The following OPRL1 variants were observed in gnomAD, a reference collection of about 807,000 sequenced individuals.
The protein encoded by OPRL1 is opioid related nociceptin receptor 1, also known as nociceptin receptor.
OPRL1 carries 5 observed loss-of-function variants against 15.5 expected under a neutral mutation model. That is an observed-to-expected ratio of 0.32 (90% confidence interval 0.17 to 0.68). OPRL1 has a LOEUF of 0.68. Among genes scored for constraint, OPRL1 ranks in the 30% least tolerant of loss-of-function variants. The pLI, the probability that OPRL1 is intolerant of heterozygous loss-of-function variation, is 0.72. For synonymous variants in OPRL1, 223 were observed against 230.2 expected, an observed-to-expected ratio of 0.97 and a Z score of 0.28; for missense variants, 406 against 515.3, an observed-to-expected ratio of 0.79 and a Z score of 2.05.
chr20:64,093,003 A>AGTGTGGGGGGGGCAGTGT (rs1978384349), intron 3 of OPRL1, 50 bp downstream of exon 3: 1 of 1,517,022 alleles, frequency 6.6e-7, no homozygotes, highest in African/African-American at 1.4e-5. Flanking sequence ...ACGGCTGCAG[A>AGTGTGGGGGGGGCAGTGT]GGGGGAAACT....
Position 64,083,396 on chromosome 20 carries a change from T to C in OPRL1, c.-185+3044T>C, listed in dbSNP as rs1229261373. The C allele has an allele frequency of 1.2e-6, 2 of 1,611,550 alleles. No homozygotes were observed. Among genetic ancestry groups the C allele is most frequent in the Non-Finnish European group, 8.5e-7 (1 of 1,179,458 alleles). On this transcript the variant is annotated intron_variant, in intron 1 of 4. Transcript: ENST00000336866. This position sits in a 1 kb window ranked among gnomAD's most constrained non-coding sequence, Gnocchi z 4.9. Reference sequence around the variant, plus strand: ...GAGCCTTCGGAGAATTATAACTTTATGTGGGAGGCTGGGGCGCGTCGCACA... The same window carrying C: ...GAGCCTTCGGAGAATTATAACTTTACGTGGGAGGCTGGGGCGCGTCGCACA...
chr20:64,088,525 G>T (rs567073321), intron 1 of OPRL1, among the ~76,000 whole-genome samples: 19 of 150,118 alleles, frequency 1.3e-4, no homozygotes, highest in Admixed American at 7.3e-4. Flanking sequence ...CATCTATGTG[G>T]GGTGGGGGCA....
chr20:64,088,484 C>G (rs1389036266), intron 1 of OPRL1, among the ~76,000 whole-genome samples: 1 of 147,744 alleles, frequency 6.8e-6, no homozygotes, highest in Non-Finnish European at 1.5e-5. Context: ...AGGATCTGTA[C>G]AGAGGGACCA....
At chr20:64,093,106 G>A (rs6010720) in intron 3 of OPRL1, among the ~76,000 whole-genome samples, 153 bp downstream of exon 3, 140,779 of 151,786 alleles carry the variant, frequency 0.93, 65,335 homozygotes, top group East Asian at 1. Flanking sequence ...GGCAGGGTCA[G>A]TCCTGAGGCC....
chr20:64,086,230 T>G lies in OPRL1; in HGVS notation c.-184-5736T>G, dbSNP rs1048621064. 5.9e-5 allele frequency among the ~76,000 whole-genome samples: 9 copies of G among 152,362 alleles called. No individual in the cohort carries two copies. The South Asian group carries it at 1.9e-3, about 32-fold the overall frequency. On this transcript the variant is annotated intron_variant, in intron 1 of 4. Coordinates refer to ENST00000336866, the MANE Select transcript of OPRL1 (RefSeq NM_182647.4). ...TGGGGCACTTTCTGGCTCTTGGCGTTTGTGGGGGAGTCACGCAGGGAGTAG... is the reference window on the plus strand; with the variant it reads ...TGGGGCACTTTCTGGCTCTTGGCGTGTGTGGGGGAGTCACGCAGGGAGTAG...
In OPRL1 at chr20:64,098,316, C is replaced by T; in HGVS notation, c.630C>T (p.Tyr210=). Reference sequence around the variant, plus strand: ...TGGAGATCCCTACCCCTCAGGATTACTGGGGCCCGGTGTTTGCCATCTGCA... The same window carrying T: ...TGGAGATCCCTACCCCTCAGGATTATTGGGGCCCGGTGTTTGCCATCTGCA... The part of the protein sequence containing the change: ...CLVEIPTPQD[Y]WGPVFAICIF... The change falls in exon 5 of 5, where the codon TAC becomes TAT. Residue 210 remains tyrosine (Y), a synonymous_variant. Transcript: ENST00000336866. 6.2e-7 allele frequency: 1 copy of T among 1,613,918 alleles called. No homozygotes were observed. The highest frequency in any genetic ancestry group is 1.1e-5 in the South Asian group (1 of 91,078).
rs1267411097 is a variant in OPRL1, at chr20:64,090,629, C to G, written c.-184-1337C>G. The stretch of plus-strand genomic sequence containing the variant: ...ACAGCCTTGACCTGTGACCTTTCAT[C>G]TCAGTGGATCAGGCATGGGACCCCC... On this transcript the variant is annotated intron_variant, in intron 1 of 4. Coordinates refer to ENST00000336866, the MANE Select transcript of OPRL1 (RefSeq NM_182647.4). The surrounding 1 kb of genome is among the most constrained non-coding windows in gnomAD (Gnocchi z 4.9). Among the ~76,000 whole-genome samples the G allele has an allele frequency of 6.6e-6, 1 of 152,216 alleles. No individual in the cohort carries two copies. Among genetic ancestry groups the G allele is most frequent in the Admixed American group, 6.5e-5 (1 of 15,278 alleles).
intron 3 of OPRL1, 61 bp downstream of exon 3, chr20:64,093,014 G>A (rs1163437342): frequency 4.1e-6 from 6 of 1,461,994 alleles, no homozygotes. Context: ...GGGGGAAACT[G>A]AGACGGGGTC....
chr20:64,088,593 CA>C (rs1448861277), intron 1 of OPRL1, among the ~76,000 whole-genome samples: 11 of 758 alleles, frequency 0.015, no homozygotes, highest in Admixed American at 0.071. Flanking sequence ...AGGATCTGTG[CA>C]AGGGGTAGGA....
chr20:64,096,837 C>CACT (rs1223360926), intron 3 of OPRL1, among the ~76,000 whole-genome samples: 17 of 39,436 alleles, frequency 4.3e-4, no homozygotes, highest in Admixed American at 6.7e-4. Flanking sequence ...CCATCATCAT[C>CACT]ATGACCATCA....
chr20:64,096,779 C>T (rs1233653375), intron 3 of OPRL1, among the ~76,000 whole-genome samples: 2 of 151,308 alleles, frequency 1.3e-5, no homozygotes, highest in African/African-American at 2.4e-5. Context: ...TTCATTATCA[C>T]ATTCACCATC....
chr20:64,088,012 C>T (rs2060067890), intron 1 of OPRL1, among the ~76,000 whole-genome samples: 1 of 152,238 alleles, frequency 6.6e-6, no homozygotes, highest in Admixed American at 6.5e-5. Flanking sequence ...AGCCAGGTGA[C>T]CAGGCCTGTC....
chr20:64,097,907 G>A lies in OPRL1; in HGVS notation c.339G>A (p.Leu113=). ...TLPFQGTDIL[L]GFWPFGNALC... is the part of the protein sequence containing the mutation. ...CCTTCCAGGGCACGGACATCCTCCT[G>A]GGCTTCTGGCCGTTTGGGAATGCGC... Residue 113 remains leucine (L), a synonymous_variant, in exon 4 of 5, where the codon CTG becomes CTA. Transcript: ENST00000336866. The surrounding 1 kb of genome is among the most constrained non-coding windows in gnomAD (Gnocchi z 4.2). 1 of 1,613,658 alleles carries A rather than the reference G, an allele frequency of 6.2e-7. No individual in the cohort carries two copies. Among genetic ancestry groups the A allele is most frequent in the Non-Finnish European group, 8.5e-7 (1 of 1,180,012 alleles).
rs1979410317 is a variant in OPRL1 at position 64,098,166 on chromosome 20, G to A, written c.589+9G>A. 6.2e-7 allele frequency: 1 copy of A among 1,610,528 alleles called. No homozygotes were observed. The highest frequency in any genetic ancestry group is 1.7e-5 in the Admixed American group (1 of 59,952). ...ACAGGTCGAGGATGAAGGTCAGTGGGGTGTCCCCTCCTCCCCTCACCAGGC... is the reference window on the plus strand; with the variant it reads ...ACAGGTCGAGGATGAAGGTCAGTGGAGTGTCCCCTCCTCCCCTCACCAGGC... On this transcript the variant is annotated intron_variant, in intron 4 of 4. Transcript: ENST00000336866.
intron 1 of OPRL1, chr20:64,084,068 A>G (rs748814460): frequency 2.0e-6 from 3 of 1,498,312 alleles, no homozygotes; most frequent in Admixed American, 2.2e-5. Flanking sequence ...CATGGCCGCC[A>G]GTCCCTGCGG....
At position 64,098,441 on chromosome 20, in the gene OPRL1, G is replaced by A. The variant is rs770852738; in HGVS notation, c.755G>A (p.Arg252Gln). ...GGAGTCCGCCTGCTCTCGGGCTCCC[G>A]AGAGAAGGACCGGAACCTGCGGCGC... ...LRGVRLLSGSREKDRNLRRIT... is the reference protein window; with the variant it reads ...LRGVRLLSGSQEKDRNLRRIT... Residue 252 changes from arginine (R) to glutamine (Q), a missense_variant, in exon 5 of 5, where the codon CGA (arginine) becomes CAA (glutamine). Coordinates refer to ENST00000336866, the MANE Select transcript of OPRL1 (RefSeq NM_182647.4). The A allele has an allele frequency of 1.1e-5, 17 of 1,613,468 alleles. No individual in the cohort carries two copies. In the Middle Eastern group the frequency reaches 4.9e-4, roughly 47 times the overall value.
chr20:64,083,650 C>T lies in OPRL1; in HGVS notation c.-185+3298C>T, dbSNP rs764319157. The T allele has an allele frequency of 2.1e-6, 3 of 1,445,050 alleles. No individual in the cohort carries two copies. Among genetic ancestry groups the T allele is most frequent in the Non-Finnish European group, 2.7e-6 (3 of 1,104,622 alleles). The allele number at this position is 1,445,050 out of a possible 1,614,324, so 89.5% of individuals were successfully genotyped here. A position where few individuals can be genotyped will look rare whatever the true frequency, so the allele number is the denominator to read the frequency against. ...CTGCGGCGGCAGGAACAGCTCCAGC[C>T]GGATGGCGGCGCGCGCGGACTTCTG... On this transcript the variant is annotated intron_variant, in intron 1 of 4. Transcript: ENST00000336866. The surrounding 1 kb of genome is among the most constrained non-coding windows in gnomAD (Gnocchi z 4.9).
chr20:64,088,862 G>GTGCAGGGAGGCCAGGA (rs2060089951), intron 1 of OPRL1, among the ~76,000 whole-genome samples: 1 of 17,022 alleles, frequency 5.9e-5, no homozygotes, highest in South Asian at 1.9e-3. Context: ...GGAGGGCAGG[G>GTGCAGGGAGGCCAGGA]TCTGTGCAGA....
intron 1 of OPRL1, among the ~76,000 whole-genome samples, chr20:64,082,969 C>G (rs922556508): frequency 5.3e-5 from 8 of 152,240 alleles, no homozygotes; most frequent in South Asian, 2.1e-4. Flanking sequence ...GGCACAGCTG[C>G]TGCTTCTTCA....
Sources: gnomAD v4.1 joint callset for allele counts (sites outside exome capture counted in the v4.1 genomes callset) on GRCh38, gnomAD v4.1.1 for gene constraint, Gnocchi (gnomAD v3.1) non-coding constraint, MANE v1.5 for transcripts, NCBI Gene and HGNC (gene_info 2026-07-23, HGNC 2026-07-21) for gene names.